RBPJ: variants seen among roughly 807,000 people sequenced by gnomAD.
RBPJ encodes the protein recombining binding protein suppressor of hairless.
Under a neutral mutation model 67.8 loss-of-function variants are expected in RBPJ, and 9 were observed. The observed-to-expected ratio is 0.13, with a 90% CI of 0.08 to 0.23. The LOEUF (loss-of-function observed/expected upper bound fraction) is 0.23, where lower values mean the gene tolerates loss of function less well. Ranked by LOEUF, RBPJ falls within the 10% of genes least tolerant of loss-of-function variation. The pLI, the probability that RBPJ is intolerant of heterozygous loss-of-function variation, is 1.00. For synonymous variants in RBPJ, 198 were observed against 203.3 expected, an observed-to-expected ratio of 0.97 and a Z score of 0.22; for missense variants, 305 against 595.6, an observed-to-expected ratio of 0.51 and a Z score of 5.08.
chr4:26,191,133 C>T (rs1158782279), intron 1 of RBPJ, among the ~76,000 whole-genome samples: 8 of 101,470 alleles, frequency 7.9e-5, no homozygotes, highest in Admixed American at 7.4e-4. Context: ...GCCTGGGCAA[C>T]GGAATGAGAC....
At chr4:26,231,564 A>C (rs969869059) in intron 1 of RBPJ, among the ~76,000 whole-genome samples, 35 of 151,984 alleles carry the variant, frequency 2.3e-4, no homozygotes, top group African/African-American at 8.0e-4. Context: ...GGCACCCGCC[A>C]CCATGCCCAG....
chr4:26,197,463 G>GCCA (rs1179997959), intron 1 of RBPJ, among the ~76,000 whole-genome samples: 1 of 152,188 alleles, frequency 6.6e-6, no homozygotes, highest in Non-Finnish European at 1.5e-5. Context: ...GGGCCAAGGA[G>GCCA]CCAGCTCAAG....
At chr4:26,109,411 CCTCTCTCTCTCTCCCTCTCT>C in the RBPJ span, among the ~76,000 whole-genome samples, 2,155 of 48,672 alleles carry the variant, frequency 0.044, 383 homozygotes, top group Admixed American at 0.069. Context: ...TGTCCACCTT[CCTCTCTCTCTCTCCCTCTCT>C]CTCTCTCTCT....
At chr4:26,214,196 G>GGAAGGAAGGAGAGAAAGAAAGC (rs1718534253) in intron 1 of RBPJ, among the ~76,000 whole-genome samples, 1 of 146,400 alleles carries the variant, frequency 6.8e-6, no homozygotes, top group Admixed American at 6.9e-5. Context: ...AGAAAGAAAA[G>GGAAGGAAGGAGAGAAAGAAAGC]GAAGGAAGGA....
At position 26,279,451 on chromosome 4, in the gene RBPJ, TTG is replaced by T. The variant is rs201273094; in HGVS notation, c.-166-82993_-166-82992del. On this transcript the variant is annotated intron_variant, in intron 1 of 4. Transcript: ENST00000512351. Reference sequence around the variant, plus strand: ...GTGCCCCACCACGCCCAGCTAATTTTTGTATTTTTAGAGACGGGCTTTCATCA... The same window carrying T: ...GTGCCCCACCACGCCCAGCTAATTTTTATTTTTAGAGACGGGCTTTCATCA... 4.0e-3 allele frequency among the ~76,000 whole-genome samples: 605 copies of T among 152,112 alleles called. 7 individuals are homozygous for T. The East Asian group carries it at 0.042, about 11-fold the overall frequency.
intron 1 of RBPJ, among the ~76,000 whole-genome samples, chr4:26,371,217 A>C (rs1729131136): frequency 6.6e-6 from 1 of 152,112 alleles, no homozygotes; most frequent in Non-Finnish European, 1.5e-5. Context: ...ATTGTAATTG[A>C]TCTAAATAAT....
At chr4:26,351,784 A>G (rs543879308) in intron 1 of RBPJ, among the ~76,000 whole-genome samples, 2 of 152,314 alleles carry the variant, frequency 1.3e-5, no homozygotes, top group African/African-American at 2.4e-5. Context: ...ATCTTCCTGT[A>G]TGAGCTTTCT....
chr4:26,380,433 G>A (rs894517500), intron 1 of RBPJ, among the ~76,000 whole-genome samples: 6 of 152,116 alleles, frequency 3.9e-5, no homozygotes, highest in African/African-American at 1.4e-4. Flanking sequence ...AACAAATCTG[G>A]ACACAAGGAG....
At chr4:26,427,922 C>A (rs1298063322) in intron 7 of RBPJ, among the ~76,000 whole-genome samples, 1 of 152,168 alleles carries the variant, frequency 6.6e-6, no homozygotes, top group Non-Finnish European at 1.5e-5. Flanking sequence ...TAGCCATTAC[C>A]TTCTAGGTGT....
At chr4:26,306,407 G>T (rs753200216) in intron 1 of RBPJ, among the ~76,000 whole-genome samples, 5 of 150,644 alleles carry the variant, frequency 3.3e-5, no homozygotes, top group Non-Finnish European at 5.9e-5. Context: ...AAGAGGTATT[G>T]GTCTGTAGTT....
intron 1 of RBPJ, among the ~76,000 whole-genome samples, chr4:26,275,474 C>T (rs1326548995): frequency 6.6e-6 from 1 of 152,144 alleles, no homozygotes; most frequent in Non-Finnish European, 1.5e-5. Context: ...ATTACTAACA[C>T]CGGAAAAAGA....
the RBPJ span, among the ~76,000 whole-genome samples, chr4:26,109,450 CTCTCTCTCTCTA>C: frequency 2.7e-3 from 67 of 24,872 alleles, no homozygotes; most frequent in Admixed American, 5.4e-3. Flanking sequence ...CTCTCTCTCT[CTCTCTCTCTCTA>C]TATATATATA....
intron 8 of RBPJ, among the ~76,000 whole-genome samples, 153 bp downstream of exon 8, chr4:26,429,013 C>T (rs1735953911): frequency 6.6e-6 from 1 of 152,170 alleles, no homozygotes; most frequent in Non-Finnish European, 1.5e-5. Context: ...CCTTAACACA[C>T]AATCCTCAGA....
At chr4:26,309,178 G>A (rs975949997) in intron 1 of RBPJ, among the ~76,000 whole-genome samples, 4 of 151,782 alleles carry the variant, frequency 2.6e-5, no homozygotes, top group South Asian at 2.1e-4. Flanking sequence ...CACTACTCCC[G>A]GCTAATTTTT....
intron 1 of RBPJ, among the ~76,000 whole-genome samples, chr4:26,177,147 G>C (rs1240486125): frequency 6.6e-6 from 1 of 152,082 alleles, no homozygotes; most frequent in African/African-American, 2.4e-5. Context: ...AGCCTCCCGG[G>C]GAGAATTACT....
chr4:26,260,231 T>G (rs60973718), intron 1 of RBPJ, among the ~76,000 whole-genome samples: 2,653 of 152,326 alleles, frequency 0.017, 92 homozygotes, highest in African/African-American at 0.061. Context: ...ATAGGCACTT[T>G]GTGTGGCTTG....
At position 26,431,136 on chromosome 4, in the gene RBPJ, A is replaced by G. The variant is rs781294643; in HGVS notation, c.*129A>G. The G allele has an allele frequency of 1.7e-4, 105 of 603,042 alleles. No homozygotes were observed. The highest frequency in any genetic ancestry group is 2.6e-4 in the Non-Finnish European group (96 of 368,182). 37.4% of individuals were successfully genotyped at this position (603,042 alleles called of 1,614,324 possible). Reference sequence around the variant, plus strand: ...TCATACCAGGTGATACTATTCAAAAACCCCGTTGTCTCCCTGCAAGTGCTG... The same window carrying G: ...TCATACCAGGTGATACTATTCAAAAGCCCCGTTGTCTCCCTGCAAGTGCTG... On this transcript the variant is annotated 3_prime_UTR_variant, in exon 11 of 11. Coordinates refer to ENST00000355476, the MANE Select transcript of RBPJ (RefSeq NM_015874.6).
chr4:26,334,644 G>A (rs1351243003), intron 1 of RBPJ, among the ~76,000 whole-genome samples: 2 of 152,026 alleles, frequency 1.3e-5, no homozygotes, highest in Non-Finnish European at 2.9e-5. Flanking sequence ...TCTTGACTTG[G>A]TCTTGTTTTT....
At chr4:26,251,179 C>G (rs1453084658) in intron 1 of RBPJ, among the ~76,000 whole-genome samples, 3 of 152,162 alleles carry the variant, frequency 2.0e-5, no homozygotes, top group Non-Finnish European at 4.4e-5. Flanking sequence ...TTTATTATTG[C>G]AACTGTCCCA....
Sources: gnomAD v4.1 joint callset for allele counts (sites outside exome capture counted in the v4.1 genomes callset) on GRCh38, gnomAD v4.1.1 for gene constraint, MANE v1.5 for transcripts, NCBI Gene and HGNC (gene_info 2026-07-23, HGNC 2026-07-21) for gene names.